The following IGF1R variants were observed in gnomAD, a reference collection of about 807,000 sequenced individuals.
IGF1R encodes insulin-like growth factor 1 receptor.
IGF1R carries 44 observed loss-of-function variants against 144.6 expected under a neutral mutation model. The ratio of observed to expected loss-of-function variants is 0.30; its 90% CI spans 0.24 to 0.39. The LOEUF (loss-of-function observed/expected upper bound fraction) is 0.39, where lower values mean the gene tolerates loss of function less well. Among genes scored for constraint, IGF1R ranks in the 10% least tolerant of loss-of-function variants. IGF1R has a pLI of 1.00. For missense variants in IGF1R, 1,355 were observed against 1,833.7 expected, an observed-to-expected ratio of 0.74 and a Z score of 4.77; for synonymous variants, 795 against 722.8, an observed-to-expected ratio of 1.10 and a Z score of -1.60.
At chr15:98,787,109 A>G (rs192701897) in intron 2 of IGF1R, among the ~76,000 whole-genome samples, 28 of 152,172 alleles carry the variant, frequency 1.8e-4, no homozygotes, top group Admixed American at 1.7e-3. Context: ...CGGGGCTGGG[A>G]CTCGGGCAAG....
At chr15:98,908,605 G>A in intron 5 of IGF1R, 80 bp from the exon 6 acceptor site, 1 of 975,136 alleles carries the variant, frequency 1.0e-6, no homozygotes, top group Non-Finnish European at 1.6e-6. Context: ...TGGCAAAGAG[G>A]ACCTGTGTTA....
Position 98,916,782 on chromosome 15 carries a change from C to T in IGF1R, c.2107C>T (p.Pro703Ser). 6.2e-7 allele frequency: 1 copy of T among 1,614,024 alleles called. No homozygotes were observed. The highest frequency in any genetic ancestry group is 8.5e-7 in the Non-Finnish European group (1 of 1,180,022). ...GGAGAAAGGGCCTTGCTGCGCCTGCCCCAAAACTGAAGCCGAGAAGCAGGC... is the reference window on the plus strand; with the variant it reads ...GGAGAAAGGGCCTTGCTGCGCCTGCTCCAAAACTGAAGCCGAGAAGCAGGC... ...GGEKGPCCAC[P>S]KTEAEKQAEK... The change falls in exon 10 of 21, where the codon CCC (proline) becomes TCC (serine). Residue 703 changes from proline (P) to serine (S), a missense_variant. Pro to Ser is a moderately conservative substitution (Grantham distance 74). Coordinates refer to ENST00000650285, the MANE Select transcript of IGF1R (RefSeq NM_000875.5).
chr15:98,963,713 C>T lies in IGF1R; in HGVS notation c.*6271C>T, dbSNP rs2177031. ...TTTGCTTACATGCCTCGTATCATGACTGATTACTGCTTTGTTAGAACACAG... is the reference window on the plus strand; with the variant it reads ...TTTGCTTACATGCCTCGTATCATGATTGATTACTGCTTTGTTAGAACACAG... On this transcript the variant is annotated 3_prime_UTR_variant, in exon 21 of 21. Coordinates refer to ENST00000650285, the MANE Select transcript of IGF1R (RefSeq NM_000875.5). 231,803 of 233,328 alleles carry T rather than the reference C, an allele frequency of 0.99. 115,170 individuals are homozygous for T. The highest frequency in any genetic ancestry group is 1 in the Middle Eastern group (786 of 786). 14.5% of individuals were successfully genotyped at this position (233,328 alleles called of 1,614,324 possible). A position where few individuals can be genotyped will look rare whatever the true frequency, so the allele number is the denominator to read the frequency against.
chr15:98,824,773 G>A (rs1222161638), intron 2 of IGF1R, among the ~76,000 whole-genome samples: 1 of 151,730 alleles, frequency 6.6e-6, no homozygotes, highest in Admixed American at 6.6e-5. Flanking sequence ...GTTGTAGTCT[G>A]CAGTCACTCT....
At chr15:98,881,647 A>G (rs1356146832) in intron 2 of IGF1R, among the ~76,000 whole-genome samples, 1 of 152,260 alleles carries the variant, frequency 6.6e-6, no homozygotes, top group Non-Finnish European at 1.5e-5. Context: ...GACAATAGAA[A>G]CATGCTGCAA....
At chr15:98,650,369 G>C (rs1434498572) in intron 1 of IGF1R, among the ~76,000 whole-genome samples, 2 of 152,194 alleles carry the variant, frequency 1.3e-5, no homozygotes, top group African/African-American at 2.4e-5. Context: ...TCCCGGGGCT[G>C]GGCGGTGGGG....
At chr15:98,886,061 GC>G (rs1389957802) in intron 2 of IGF1R, among the ~76,000 whole-genome samples, 3 of 151,976 alleles carry the variant, frequency 2.0e-5, no homozygotes, top group African/African-American at 7.2e-5. Context: ...CAGTTGATCT[GC>G]CCGCCTCGGC....
At chr15:98,659,197 T>C (rs534120532) in intron 1 of IGF1R, among the ~76,000 whole-genome samples, 1 of 152,260 alleles carries the variant, frequency 6.6e-6, no homozygotes, top group Admixed American at 6.5e-5. Flanking sequence ...TTTGCTAAGG[T>C]GTTTATTAAC....
At chr15:98,814,486 A>G (rs1371824053) in intron 2 of IGF1R, among the ~76,000 whole-genome samples, 2 of 152,150 alleles carry the variant, frequency 1.3e-5, no homozygotes, top group East Asian at 3.9e-4. Context: ...TGGGACTACT[A>G]CAGGTATGTG....
intron 19 of IGF1R, among the ~76,000 whole-genome samples, chr15:98,944,224 A>G (rs2016470496): frequency 6.6e-6 from 1 of 152,222 alleles, no homozygotes; most frequent in African/African-American, 2.4e-5. Flanking sequence ...GGAGAACAGA[A>G]GCAGAATAGA....
At chr15:98,753,354 C>T (rs924846486) in intron 2 of IGF1R, among the ~76,000 whole-genome samples, 1 of 149,290 alleles carries the variant, frequency 6.7e-6, no homozygotes, top group African/African-American at 2.5e-5. Context: ...ATAGCTGGGA[C>T]CACAAGTATG....
chr15:98,737,181 C>T (rs984950468), intron 2 of IGF1R, among the ~76,000 whole-genome samples: 4 of 152,176 alleles, frequency 2.6e-5, no homozygotes, highest in Non-Finnish European at 4.4e-5. Context: ...TGTTTAATTA[C>T]TTCCTGCACT....
At chr15:98,672,567 C>A (rs2052921691) in intron 1 of IGF1R, among the ~76,000 whole-genome samples, 1 of 110,492 alleles carries the variant, frequency 9.1e-6, no homozygotes, top group Non-Finnish European at 1.7e-5. Context: ...AAGACTCCAT[C>A]TCAAAAAAAA....
Position 98,915,983 on chromosome 15 carries a change from C to T in IGF1R, c.1848C>T (p.Asp616=), listed in dbSNP as rs149592500. The T allele has an allele frequency of 1.5e-5, 24 of 1,613,932 alleles. No individual in the cohort carries two copies. The highest frequency in any genetic ancestry group is 1.1e-4 in the African/African-American group (8 of 74,914). The change falls in exon 9 of 21, where the codon GAC becomes GAT. Residue 616 remains aspartate (D), a synonymous_variant. Transcript: ENST00000650285. ...CTCCAGTTCCTTCCATTCCCTTGGA[C>T]GTTCTTTCAGCATCGAACTCCTCTT... is the stretch of plus-strand genomic sequence containing the variant. ...TNASVPSIPL[D]VLSASNSSSQ...
chr15:98,872,079 A>G (rs1198158262), intron 2 of IGF1R, among the ~76,000 whole-genome samples: 1 of 152,246 alleles, frequency 6.6e-6, no homozygotes, highest in African/African-American at 2.4e-5. Flanking sequence ...AAGACCCTTC[A>G]CAATAGCATC....
chr15:98,908,747 G>A lies in IGF1R; in HGVS notation c.1310G>A (p.Arg437His), dbSNP rs34516635. The A allele has an allele frequency of 3.6e-3, 5,736 of 1,614,058 alleles. 17 individuals carry two copies. The highest frequency in any genetic ancestry group is 4.0e-3 in the Non-Finnish European group (4,764 of 1,179,994). Residue 437 changes from arginine (R) to histidine (H), a missense_variant, in exon 6 of 21, where the codon CGC becomes CAC. By Grantham distance (29) the Arg-to-His change is conservative. This residue lies in a region of IGF1R where 880 missense variants were observed against 1,202.7 expected (regional missense o/e 0.73). Transcript: ENST00000650285. ...NLQQLWDWDHRNLTIKAGKMY... is the reference protein window; with the variant it reads ...NLQQLWDWDHHNLTIKAGKMY... ...CAGCAACTGTGGGACTGGGACCACC[G>A]CAACCTGACCATCAAAGCAGGGAAA... is the stretch of plus-strand genomic sequence containing the variant.
intron 2 of IGF1R, among the ~76,000 whole-genome samples, chr15:98,752,932 A>ATTTTT (rs775327338): frequency 3.3e-4 from 23 of 70,100 alleles, no homozygotes; most frequent in Admixed American, 4.5e-4. Flanking sequence ...AAATCATACT[A>ATTTTT]TTTTTTTTTT....
At position 98,960,241 on chromosome 15, in the gene IGF1R, C is replaced by T; in HGVS notation, c.*2799C>T. ...GTCAAAGCAACACTAACTCACCTCTCTGCTCATTTCAGACAGCTTGCCTTT... is the reference window on the plus strand; with the variant it reads ...GTCAAAGCAACACTAACTCACCTCTTTGCTCATTTCAGACAGCTTGCCTTT... On this transcript the variant is annotated 3_prime_UTR_variant, in exon 21 of 21. Coordinates refer to ENST00000650285, the MANE Select transcript of IGF1R (RefSeq NM_000875.5). The T allele has an allele frequency of 8.6e-6, 2 of 233,652 alleles. No individual in the cohort carries two copies. The highest frequency in any genetic ancestry group is 1.7e-5 in the Non-Finnish European group (2 of 118,070). The allele number at this position is 233,652 out of a possible 1,614,324, so 14.5% of individuals were successfully genotyped here. A position where few individuals can be genotyped will look rare whatever the true frequency, so the allele number is the denominator to read the frequency against.
intron 2 of IGF1R, among the ~76,000 whole-genome samples, chr15:98,808,068 T>A (rs921917680): frequency 6.6e-6 from 1 of 152,146 alleles, no homozygotes; most frequent in Non-Finnish European, 1.5e-5. Context: ...ACCACATCCA[T>A]GTTGTTTGGG....
Sources: allele counts gnomAD v4.1 joint callset (sites outside exome capture counted in the v4.1 genomes callset), GRCh38; gene constraint gnomAD v4.1.1; regional missense constraint gnomAD v4.1.1; transcripts MANE v1.5; gene names NCBI Gene and HGNC (gene_info 2026-07-23, HGNC 2026-07-21).